Variants in TANC2 observed in about 807,000 individuals in gnomAD.
The protein encoded by TANC2 is protein TANC2.
A neutral mutation model predicts 210.5 loss-of-function variants in TANC2; 26 were observed. The observed-to-expected ratio is 0.12, with a 90% CI of 0.09 to 0.17. The LOEUF (loss-of-function observed/expected upper bound fraction) is 0.17. TANC2 is among the 10% of genes least tolerant of loss of function. The pLI, the probability that TANC2 is intolerant of heterozygous loss-of-function variation, is 1.00. For missense variants in TANC2, 2,129 were observed against 2,608.9 expected (o/e 0.82, Z 4.01); for synonymous variants, 931 against 967.1 (o/e 0.96, Z 0.69).
intron 12 of TANC2, among the ~76,000 whole-genome samples, chr17:63,347,231 A>G (rs1362756029): frequency 6.6e-6 from 1 of 152,226 alleles, no homozygotes; most frequent in East Asian, 1.9e-4. Context: ...CTTAGTATTA[A>G]AAAGGAACAA....
At chr17:63,388,423 TA>T (rs1251441668) in intron 15 of TANC2, among the ~76,000 whole-genome samples, 2 of 152,200 alleles carry the variant, frequency 1.3e-5, no homozygotes. Context: ...GACGTGTTGC[TA>T]AGGGCTGCAG....
intron 7 of TANC2, among the ~76,000 whole-genome samples, chr17:63,221,022 G>A (rs570590705): frequency 5.7e-4 from 86 of 151,872 alleles, no homozygotes; most frequent in African/African-American, 2.0e-3. Flanking sequence ...TTTAACATAA[G>A]CCTAAGTAAC....
At chr17:63,175,944 G>A (rs1045727230) in intron 5 of TANC2, among the ~76,000 whole-genome samples, 7 of 152,194 alleles carry the variant, frequency 4.6e-5, no homozygotes, top group Non-Finnish European at 7.3e-5. Context: ...CACTAAACAC[G>A]TGAAAAGATG....
At chr17:63,034,176 G>A (rs2034882625) in intron 2 of TANC2, among the ~76,000 whole-genome samples, 1 of 152,188 alleles carries the variant, frequency 6.6e-6, no homozygotes, top group African/African-American at 2.4e-5. Flanking sequence ...AAGCTTTGAA[G>A]GACAGGCTGA....
intron 14 of TANC2, among the ~76,000 whole-genome samples, chr17:63,379,096 ACATTTAAG>A (rs2047520714): frequency 6.6e-6 from 1 of 152,212 alleles, no homozygotes; most frequent in Admixed American, 6.5e-5. Context: ...AGGAACACTG[ACATTTAAG>A]CATGGGTGGA....
At chr17:63,256,206 C>G (rs924621833) in intron 8 of TANC2, among the ~76,000 whole-genome samples, 3 of 152,108 alleles carry the variant, frequency 2.0e-5, no homozygotes, top group African/African-American at 7.2e-5. Context: ...CTGCTCCTGG[C>G]CTCTACCTTT....
At chr17:63,281,537 G>C (rs1258670680) in intron 9 of TANC2, among the ~76,000 whole-genome samples, 2 of 152,040 alleles carry the variant, frequency 1.3e-5, no homozygotes, top group East Asian at 3.8e-4. Flanking sequence ...ATCCGGCTAA[G>C]TTAACTTGAA....
At chr17:63,111,970 C>T (rs551945826) in intron 4 of TANC2, among the ~76,000 whole-genome samples, 12 of 152,176 alleles carry the variant, frequency 7.9e-5, no homozygotes, top group East Asian at 1.9e-4. Context: ...GTGATCCGCC[C>T]GCCTCGGCCT....
chr17:63,003,621 T>TA (rs2033483098), intron 1 of TANC2, among the ~76,000 whole-genome samples: 1 of 152,222 alleles, frequency 6.6e-6, no homozygotes, highest in African/African-American at 2.4e-5. Flanking sequence ...TTCCATGTAA[T>TA]ATTTTTAGAC....
intron 3 of TANC2, among the ~76,000 whole-genome samples, chr17:63,078,657 A>G (rs1158840693): frequency 6.6e-6 from 1 of 152,144 alleles, no homozygotes; most frequent in Non-Finnish European, 1.5e-5. Context: ...TGTGTTATTT[A>G]GAAGTATGTT....
chr17:63,238,988 G>T (rs943058614), intron 8 of TANC2, among the ~76,000 whole-genome samples: 1 of 152,032 alleles, frequency 6.6e-6, no homozygotes, highest in Admixed American at 6.6e-5. Flanking sequence ...TACAATTCGA[G>T]ATAAGATTTG....
At chr17:63,182,063 A>C (rs1431453282) in intron 5 of TANC2, 4 of 152,300 alleles carry the variant, frequency 2.6e-5, no homozygotes, top group Non-Finnish European at 4.4e-5. Context: ...GTGGGGTGCC[A>C]TCACTGCCAC....
intron 11 of TANC2, among the ~76,000 whole-genome samples, chr17:63,336,766 G>A (rs1567927596): frequency 6.6e-6 from 1 of 152,166 alleles, no homozygotes; most frequent in Non-Finnish European, 1.5e-5. Context: ...ATGTAAGAAA[G>A]ACATAGCTAA....
At position 63,106,462 on chromosome 17, in the gene TANC2, C is replaced by T. The variant is rs1481874906; in HGVS notation, c.322+7105C>T. On this transcript the variant is annotated intron_variant, in intron 4 of 27. Coordinates refer to ENST00000689528, the Ensembl canonical transcript of TANC2. ...GCTTCAAGAGTAAGGGGATTATTGC[C>T]GAACCAACTAAACAGTGCCTTGCTG... is the stretch of plus-strand genomic sequence containing the variant. Among the ~76,000 whole-genome samples, 18 of 151,584 alleles carry T rather than the reference C, an allele frequency of 1.2e-4. No homozygotes were observed. In the South Asian group the frequency reaches 2.5e-3, roughly 21 times the overall value.
At chr17:63,014,170 A>G (rs2034004462) in intron 2 of TANC2, among the ~76,000 whole-genome samples, 1 of 151,828 alleles carries the variant, frequency 6.6e-6, no homozygotes, top group Non-Finnish European at 1.5e-5. Context: ...TTTTTCAATT[A>G]TTGAATTTTT....
chr17:63,346,645 G>T (rs2046420361), intron 12 of TANC2, among the ~76,000 whole-genome samples: 1 of 152,146 alleles, frequency 6.6e-6, no homozygotes, highest in African/African-American at 2.4e-5. Flanking sequence ...GAAACAACTG[G>T]AACTCTAATA....
At chr17:63,063,095 CT>C (rs2036054279) in intron 2 of TANC2, among the ~76,000 whole-genome samples, 1 of 152,180 alleles carries the variant, frequency 6.6e-6, no homozygotes, top group Non-Finnish European at 1.5e-5. Flanking sequence ...TCTCATAGAA[CT>C]CAGGGAAACA....
At position 63,240,848 on chromosome 17, in the gene TANC2, T is replaced by C. The variant is rs568959507; in HGVS notation, c.1033+2771T>C. Among the ~76,000 whole-genome samples, 31 of 152,308 alleles carry C rather than the reference T, an allele frequency of 2.0e-4. No homozygotes were observed. In the South Asian group the frequency reaches 6.2e-3, roughly 31 times the overall value. On this transcript the variant is annotated intron_variant, in intron 8 of 27. Coordinates refer to ENST00000689528, the Ensembl canonical transcript of TANC2. ...TCATCTCCCAGCCACAAGTAATTGC[T>C]TCTTCTTCTAGAAAGCATTCTCTTT... is the stretch of plus-strand genomic sequence containing the variant.
At chr17:63,087,386 C>A (rs7224059) in intron 3 of TANC2, among the ~76,000 whole-genome samples, 91,041 of 151,920 alleles carry the variant, frequency 0.6, 29,838 homozygotes, top group African/African-American at 0.87. Flanking sequence ...GTGCCCCTTC[C>A]CTATGAACTT....
Sources: allele counts gnomAD v4.1 joint callset (sites outside exome capture counted in the v4.1 genomes callset), GRCh38; gene constraint gnomAD v4.1.1; transcripts MANE v1.5; gene names NCBI Gene and HGNC (gene_info 2026-07-23, HGNC 2026-07-21).